KCNMB2: variants seen among roughly 807,000 people sequenced by gnomAD.
The protein encoded by KCNMB2 is calcium-activated potassium channel subunit beta-2.
KCNMB2 carries 9 observed loss-of-function variants against 24.5 expected under a neutral mutation model. The observed-to-expected ratio is 0.37, with a 90% confidence interval of 0.22 to 0.64. KCNMB2 has a LOEUF of 0.64. Ranked by LOEUF, KCNMB2 falls within the 30% of genes least tolerant of loss-of-function variation. The probability of loss-of-function intolerance (pLI) is 0.63; values close to 1 mark genes in which losing one functional copy is unlikely to be tolerated. For missense variants in KCNMB2, 226 were observed against 284.3 expected, an observed-to-expected ratio of 0.79 and a Z score of 1.47; for synonymous variants, 109 against 104.4, an observed-to-expected ratio of 1.04 and a Z score of -0.27.
chr3:178,634,413 G>T (rs1719437804), intron 1 of KCNMB2, among the ~76,000 whole-genome samples: 1 of 152,086 alleles, frequency 6.6e-6, no homozygotes, highest in African/African-American at 2.4e-5. Context: ...TTAAAATCAT[G>T]GCAGAAGGGG....
chr3:178,746,358 CAG>C (rs1259413677), intron 1 of KCNMB2, among the ~76,000 whole-genome samples: 2 of 152,156 alleles, frequency 1.3e-5, no homozygotes, highest in Non-Finnish European at 2.9e-5. Flanking sequence ...AGCTGGGACA[CAG>C]GGCACCAAGT....
intron 4 of KCNMB2, among the ~76,000 whole-genome samples, chr3:178,834,068 T>A (rs577576956): frequency 1.3e-5 from 2 of 152,292 alleles, no homozygotes; most frequent in East Asian, 3.9e-4. Context: ...CATGCCCCTA[T>A]GATTTGAGGT....
At chr3:178,552,238 C>A (rs1413673907) in intron 1 of KCNMB2, among the ~76,000 whole-genome samples, 2 of 152,160 alleles carry the variant, frequency 1.3e-5, no homozygotes, top group Non-Finnish European at 2.9e-5. Flanking sequence ...GCACTCCCAC[C>A]ACAAACTCCC....
At chr3:178,568,488 C>T (rs1716605694) in intron 1 of KCNMB2, among the ~76,000 whole-genome samples, 1 of 152,276 alleles carries the variant, frequency 6.6e-6, no homozygotes, top group African/African-American at 2.4e-5. Flanking sequence ...CTTGAACACT[C>T]ATAATGTCAG....
At chr3:178,557,206 AGGT>A (rs1174726686) in intron 1 of KCNMB2, among the ~76,000 whole-genome samples, 1 of 152,172 alleles carries the variant, frequency 6.6e-6, no homozygotes, top group Non-Finnish European at 1.5e-5. Flanking sequence ...TAGTTTTCCC[AGGT>A]GATTCAAATC....
intron 1 of KCNMB2, among the ~76,000 whole-genome samples, chr3:178,767,998 C>A (rs1712192887): frequency 1.3e-5 from 2 of 150,770 alleles, no homozygotes; most frequent in East Asian, 3.9e-4. Flanking sequence ...TTGGCTGATA[C>A]CCACATTGGT....
intron 1 of KCNMB2, among the ~76,000 whole-genome samples, chr3:178,750,214 T>C (rs1452388646): frequency 7.7e-6 from 1 of 129,688 alleles, no homozygotes; most frequent in Non-Finnish European, 1.6e-5. Context: ...TCAATAACTT[T>C]GGCAAAAAAA....
chr3:178,730,412 C>CACACAG (rs1553771368), intron 1 of KCNMB2, among the ~76,000 whole-genome samples: 5 of 101,740 alleles, frequency 4.9e-5, no homozygotes, highest in Non-Finnish European at 1.2e-4. Flanking sequence ...AACACCCCCC[C>CACACAG]ACACACACAC....
chr3:178,811,125 C>A (rs1314701183), intron 2 of KCNMB2, among the ~76,000 whole-genome samples: 1 of 151,998 alleles, frequency 6.6e-6, no homozygotes, highest in Non-Finnish European at 1.5e-5. Flanking sequence ...GGTTTTTAAG[C>A]TAAGGGCATT....
At chr3:178,781,052 T>C (rs1024815086) in intron 1 of KCNMB2, among the ~76,000 whole-genome samples, 2 of 152,220 alleles carry the variant, frequency 1.3e-5, no homozygotes, top group Non-Finnish European at 2.9e-5. Context: ...GAAAGTAATG[T>C]AAATTATACC....
chr3:178,652,005 GC>G (rs1222364241), intron 1 of KCNMB2, among the ~76,000 whole-genome samples: 1 of 152,124 alleles, frequency 6.6e-6, no homozygotes, highest in South Asian at 2.1e-4. Flanking sequence ...CAGGACATAG[GC>G]ATGGGCAAAG....
intron 1 of KCNMB2, among the ~76,000 whole-genome samples, chr3:178,726,091 A>G (rs1722959164): frequency 6.6e-6 from 1 of 151,760 alleles, no homozygotes; most frequent in South Asian, 2.1e-4. Flanking sequence ...ATCTCAGTGA[A>G]TAATATTTTA....
intron 1 of KCNMB2, among the ~76,000 whole-genome samples, chr3:178,782,360 C>A (rs1424990835): frequency 6.7e-6 from 1 of 149,590 alleles, no homozygotes; most frequent in Non-Finnish European, 1.5e-5. Context: ...CCTGAGGAAT[C>A]GCCACACTGA....
chr3:178,744,426 G>A (rs1416026580), intron 1 of KCNMB2, among the ~76,000 whole-genome samples: 1 of 152,180 alleles, frequency 6.6e-6, no homozygotes, highest in African/African-American at 2.4e-5. Flanking sequence ...GTAATTAGAA[G>A]AAAGCAGTGC....
rs537258784 is a variant in KCNMB2 at position 178,586,620 on chromosome 3, C to T, written c.-68+49909C>T. Reference sequence around the variant, plus strand: ...AGTGCAGTGGCATGATCTCGGCTCACTGCAACCTCCGCCTCCCGGGTTCAA... The same window carrying T: ...AGTGCAGTGGCATGATCTCGGCTCATTGCAACCTCCGCCTCCCGGGTTCAA... On this transcript the variant is annotated intron_variant, in intron 1 of 4. Transcript: ENST00000452583. 2.9e-5 allele frequency among the ~76,000 whole-genome samples: 4 copies of T among 136,476 alleles called. No individual in the cohort carries two copies. In the South Asian group the frequency reaches 9.8e-4, roughly 34 times the overall value. 89.5% of individuals were successfully genotyped at this position (136,476 alleles called of 152,430 possible).
chr3:178,647,100 A>T (rs1028094257), intron 1 of KCNMB2, among the ~76,000 whole-genome samples: 3 of 152,220 alleles, frequency 2.0e-5, no homozygotes, highest in African/African-American at 7.2e-5. Flanking sequence ...CTTAAGTCTC[A>T]GCTTGCCTGC....
intron 1 of KCNMB2, among the ~76,000 whole-genome samples, chr3:178,738,725 C>G (rs1402996042): frequency 6.6e-6 from 1 of 152,166 alleles, no homozygotes; most frequent in Admixed American, 6.5e-5. Flanking sequence ...CCCTAATTCT[C>G]CCCACTCACC....
chr3:178,576,402 G>C (rs2863153), intron 1 of KCNMB2, among the ~76,000 whole-genome samples: 122,031 of 152,030 alleles, frequency 0.8, 49,649 homozygotes, highest in African/African-American at 0.95. Context: ...GTTTCAAGCA[G>C]AAAGCTGGGC....
At chr3:178,650,525 C>A (rs12633383) in intron 1 of KCNMB2, among the ~76,000 whole-genome samples, 13,907 of 151,806 alleles carry the variant, frequency 0.092, 723 homozygotes, top group Middle Eastern at 0.2. Flanking sequence ...GGTACTCCTT[C>A]TGAACTACAG....
Sources: allele counts gnomAD v4.1 joint callset (sites outside exome capture counted in the v4.1 genomes callset), GRCh38; gene constraint gnomAD v4.1.1; transcripts MANE v1.5; gene names NCBI Gene and HGNC (gene_info 2026-07-23, HGNC 2026-07-21).